ANXA8: variants seen among roughly 807,000 people sequenced by gnomAD.
ANXA8 encodes annexin A8, also known as VAC-beta.
A neutral mutation model predicts 26.8 loss-of-function variants in ANXA8; 9 were observed. That is an observed-to-expected ratio of 0.34 (90% CI 0.20 to 0.59). ANXA8 has a LOEUF of 0.59. ANXA8 is among the 20% of genes least tolerant of loss of function. The pLI is 0.84. For synonymous variants in ANXA8, 39 were observed against 94.8 expected (o/e 0.41, Z 3.42); for missense variants, 83 against 238.5 (o/e 0.35, Z 4.29).
At chr10:47,571,408 G>A in the ANXA8 span, among the ~76,000 whole-genome samples, 2 of 148,152 alleles carry the variant, frequency 1.3e-5, no homozygotes, top group South Asian at 2.1e-4. Flanking sequence ...GGCAAAGGGA[G>A]TTTTTTCTCT....
chr10:47,487,229 A>G (rs1840064231), upstream of ANXA8: 6 of 1,172,870 alleles, frequency 5.1e-6, no homozygotes, highest in East Asian at 1.1e-4. Context: ...TACACATGTC[A>G]TGGCTTTTTA....
chr10:47,673,940 T>C, the ANXA8 span, among the ~76,000 whole-genome samples: 1 of 150,236 alleles, frequency 6.7e-6, no homozygotes. Context: ...CACGTCTCCT[T>C]AGGGTCCTCT....
the ANXA8 span, among the ~76,000 whole-genome samples, chr10:47,733,233 CTCTTTCTTTCTTTCTT>C: frequency 0.014 from 814 of 59,612 alleles, 29 homozygotes; most frequent in African/African-American, 0.027. Flanking sequence ...CTTTCTTTCT[CTCTTTCTTTCTTTCTT>C]TCTTTCTTTC....
chr10:47,616,642 C>T, the ANXA8 span, among the ~76,000 whole-genome samples: 6 of 64,280 alleles, frequency 9.3e-5, 3 homozygotes, highest in Admixed American at 3.5e-4. Flanking sequence ...AAAACTGTCT[C>T]ATCATGTATG....
the ANXA8 span, among the ~76,000 whole-genome samples, chr10:47,976,629 G>C: frequency 3.2e-4 from 47 of 148,134 alleles, 1 homozygote; most frequent in African/African-American, 1.1e-3. Flanking sequence ...GTAGCCACTG[G>C]GGAGGACAGA....
At chr10:47,470,057 T>C (rs1839278830) in intron 11 of ANXA8, among the ~76,000 whole-genome samples, 1 of 151,558 alleles carries the variant, frequency 6.6e-6, no homozygotes, top group African/African-American at 2.4e-5. Context: ...TTTATTATTT[T>C]GAGGACAATT....
At chr10:47,484,250 G>A (rs1279058359), upstream of ANXA8, 1 of 686,956 alleles carries the variant, frequency 1.5e-6, no homozygotes, top group Non-Finnish European at 2.7e-6. Context: ...CTTAGCTCCA[G>A]CCTGCGAAAG....
chr10:47,572,860 G>A, the ANXA8 span, among the ~76,000 whole-genome samples: 3 of 151,722 alleles, frequency 2.0e-5, no homozygotes, highest in Non-Finnish European at 4.4e-5. Context: ...TTTGTTTTGG[G>A]TGGGTGAAGC....
chr10:47,737,255 A>G, the ANXA8 span, among the ~76,000 whole-genome samples: 520 of 151,582 alleles, frequency 3.4e-3, 11 homozygotes, highest in African/African-American at 0.012. Context: ...CTTCTTTTCT[A>G]CTATAAGATT....
chr10:47,593,511 C>T, the ANXA8 span, among the ~76,000 whole-genome samples: 1 of 149,694 alleles, frequency 6.7e-6, no homozygotes, highest in Non-Finnish European at 1.5e-5. Context: ...GCACCAAGAC[C>T]CCACCTGCCA....
the ANXA8 span, among the ~76,000 whole-genome samples, chr10:47,570,521 C>G: frequency 1.3e-5 from 2 of 149,902 alleles, no homozygotes; most frequent in African/African-American, 2.5e-5. Flanking sequence ...GCTTGTAATC[C>G]CAGCATTTTT....
chr10:47,959,522 G>T, the ANXA8 span, among the ~76,000 whole-genome samples: 2 of 148,474 alleles, frequency 1.3e-5, no homozygotes, highest in African/African-American at 2.6e-5. Flanking sequence ...GAAACTGAGT[G>T]CTGGGAGAGC....
chr10:47,511,447 A>C, the ANXA8 span, among the ~76,000 whole-genome samples: 1 of 131,406 alleles, frequency 7.6e-6, no homozygotes, highest in African/African-American at 2.9e-5. Context: ...ACAAGTGAGG[A>C]AGCCATAGGT....
the ANXA8 span, among the ~76,000 whole-genome samples, chr10:47,754,948 TTTTTC>T: frequency 5.6e-5 from 2 of 35,540 alleles, no homozygotes; most frequent in East Asian, 1.9e-3. Context: ...AACCTCTTTC[TTTTTC>T]TTTTCTTTTC....
the ANXA8 span, among the ~76,000 whole-genome samples, chr10:47,528,089 T>A: frequency 7.2e-6 from 1 of 139,646 alleles, no homozygotes. Context: ...AATGTTTTTT[T>A]TTTTTTTTGA....
At chr10:47,702,076 A>G in the ANXA8 span, among the ~76,000 whole-genome samples, 1 of 150,028 alleles carries the variant, frequency 6.7e-6, no homozygotes, top group Non-Finnish European at 1.5e-5. Context: ...TAGATAAGGA[A>G]AGCTGGATTT....
At chr10:47,539,446 C>T in the ANXA8 span, among the ~76,000 whole-genome samples, 31 of 127,376 alleles carry the variant, frequency 2.4e-4, no homozygotes, top group Admixed American at 3.4e-4. Context: ...CAGAGATATG[C>T]GGCAACCAGG....
chr10:47,939,215 A>G, the ANXA8 span, among the ~76,000 whole-genome samples: 2 of 144,012 alleles, frequency 1.4e-5, 1 homozygote, highest in Admixed American at 1.4e-4. Context: ...AGGCAGGAGA[A>G]TCACTTGAAC....
chr10:47,548,963 C>G, the ANXA8 span, among the ~76,000 whole-genome samples: 1 of 152,274 alleles, frequency 6.6e-6, no homozygotes, highest in African/African-American at 2.4e-5. Flanking sequence ...AGGAAGGATC[C>G]AAGAAGAAAT....
Sources: allele counts gnomAD v4.1 joint callset (sites outside exome capture counted in the v4.1 genomes callset), GRCh38; gene constraint gnomAD v4.1.1; transcripts MANE v1.5; gene names NCBI Gene and HGNC (gene_info 2026-07-23, HGNC 2026-07-21).